ZC3H13: variants seen among roughly 807,000 people sequenced by gnomAD.
ZC3H13 encodes the protein zinc finger CCCH domain-containing protein 13.
A neutral mutation model predicts 204.1 loss-of-function variants in ZC3H13; 64 were observed. The observed-to-expected ratio is 0.31, with a 90% CI of 0.26 to 0.39. The LOEUF (loss-of-function observed/expected upper bound fraction) is 0.39. Ranked by LOEUF, ZC3H13 falls within the 10% of genes least tolerant of loss-of-function variation. The pLI, the probability that ZC3H13 is intolerant of heterozygous loss-of-function variation, is 1.00. For synonymous variants in ZC3H13, 667 were observed against 693.7 expected (o/e 0.96, Z 0.60); for missense variants, 1,833 against 2,082.7 (o/e 0.88, Z 2.33).
chr13:46,048,592 A>AC (rs1399549546), intron 1 of ZC3H13, among the ~76,000 whole-genome samples: 104 of 151,038 alleles, frequency 6.9e-4, no homozygotes, highest in Non-Finnish European at 1.3e-3. Flanking sequence ...AAAAAAAAAA[A>AC]AAAAAAAAAA....
At chr13:46,006,017 C>G (rs2041117543) in intron 7 of ZC3H13, among the ~76,000 whole-genome samples, 1 of 151,864 alleles carries the variant, frequency 6.6e-6, no homozygotes. Flanking sequence ...ACCGCTTGAA[C>G]CCAGGAGGCA....
At chr13:45,962,618 G>A in intron 17 of ZC3H13, 2 of 983,936 alleles carry the variant, frequency 2.0e-6, no homozygotes, top group Non-Finnish European at 2.4e-6. Flanking sequence ...GTATACTCTA[G>A]GTTTATTGGG....
Position 45,967,797 on chromosome 13 carries a change from C to T in ZC3H13, c.4028G>A (p.Arg1343Gln), listed in dbSNP as rs760713323. ...RNRDRDRLRE[R>Q]ERERERDKRR... ...TTTGTCTCGTTCTCTCTCTCGTTCT[C>T]GTTCTCGCAATCTATCTCGATCCCT... is the stretch of plus-strand genomic sequence containing the variant. Residue 1343 changes from arginine (R) to glutamine (Q), a missense_variant, in exon 15 of 19, where the codon CGA becomes CAA. By Grantham distance (43) the Arg-to-Gln change is conservative. Around this residue, in one of 5 missense-constraint regions of ZC3H13, gnomAD observed 1,574 missense variants for 1,757.2 expected, o/e 0.90. Coordinates refer to ENST00000679008, the MANE Select transcript of ZC3H13 (RefSeq NM_001330564.2). 5.0e-6 allele frequency: 8 copies of T among 1,612,340 alleles called. No individual in the cohort carries two copies. Among genetic ancestry groups the T allele is most frequent in the South Asian group, 2.2e-5 (2 of 90,980 alleles).
In ZC3H13 at chr13:45,977,001, C is replaced by A. The variant is rs114872571; in HGVS notation, c.1913-1163G>T. ...TCTTTACTATTTTAGAGGTTATAGACCCAGATACAAATGATCATAGCATTT... is the reference window on the plus strand; with the variant it reads ...TCTTTACTATTTTAGAGGTTATAGAACCAGATACAAATGATCATAGCATTT... On this transcript the variant is annotated intron_variant, in intron 11 of 18. Transcript: ENST00000679008. Among the ~76,000 whole-genome samples, 1,066 of 152,212 alleles carry A rather than the reference C, an allele frequency of 7.0e-3. 12 individuals are homozygous for A. The highest frequency in any genetic ancestry group is 0.023 in the African/African-American group (975 of 41,522).
rs2044572467 is a variant in ZC3H13, at chr13:46,052,688, A to T, written c.-294T>A. 1 of 398,644 alleles carries T rather than the reference A, an allele frequency of 2.5e-6. No homozygotes were observed. The highest frequency in any genetic ancestry group is 2.1e-5 in the African/African-American group (1 of 48,636). 24.7% of individuals were successfully genotyped at this position (398,644 alleles called of 1,614,324 possible). ...GATTGTAGATTAAGAAAAGGCAACA[A>T]AAACACTACCAGGCCGCTAGGAGGA... On this transcript the variant is annotated 5_prime_UTR_variant, in exon 1 of 19. The change creates a new upstream start codon in the 5' untranslated region. Coordinates refer to ENST00000679008, the MANE Select transcript of ZC3H13 (RefSeq NM_001330564.2).
chr13:45,963,945 A>T lies in ZC3H13; in HGVS notation c.4572T>A (p.Pro1524=). The T allele has an allele frequency of 6.2e-7, 1 of 1,614,190 alleles. No homozygotes were observed. Among genetic ancestry groups the T allele is most frequent in the South Asian group, 1.1e-5 (1 of 91,090 alleles). The change falls in exon 17 of 19, where the codon CCT becomes CCA. Residue 1524 remains proline, a synonymous_variant. Coordinates refer to ENST00000679008, the MANE Select transcript of ZC3H13 (RefSeq NM_001330564.2). ...EPGAALLKFT[P]GAVMLRVGIS... ...TCCCAACTCTTAGCATAACAGCTCC[A>T]GGTGTGAATTTTAAGAGTGCAGCCC...
rs774739065 is a variant in ZC3H13 at position 46,003,213 on chromosome 13, T to C, written c.870A>G (p.Ile290Met). ...CCTTTCCATCTCTTGTTTTTTCTTC[T>C]ATCCTGTCTTTTACTTTATATTTTT... The part of the protein sequence containing the change: ...YKEKYKVKDR[I>M]EEKTRDGKDR... The change falls in exon 8 of 19, where the codon ATA (isoleucine) becomes ATG (methionine). Residue 290 changes from isoleucine to methionine, a missense_variant. By Grantham distance (10) the Ile-to-Met change is conservative (BLOSUM62 1). This residue lies in a region of ZC3H13 where 1,574 missense variants were observed against 1,757.2 expected (regional missense o/e 0.90). Transcript: ENST00000679008. The C allele has an allele frequency of 6.2e-7, 1 of 1,613,346 alleles. No individual in the cohort carries two copies. Among genetic ancestry groups the C allele is most frequent in the Non-Finnish European group, 8.5e-7 (1 of 1,179,796 alleles).
chr13:45,968,669 G>A, intron 14 of ZC3H13, 79 bp downstream of exon 14: 1 of 1,479,926 alleles, frequency 6.8e-7, no homozygotes. Context: ...AACCAATTTA[G>A]CATTACTTTA....
chr13:46,042,131 A>G, intron 4 of ZC3H13, 33 bp downstream of exon 4: 5 of 1,527,114 alleles, frequency 3.3e-6, no homozygotes, highest in East Asian at 2.2e-5. Flanking sequence ...TCACTACTGA[A>G]GTTGAACTTT....
intron 8 of ZC3H13, among the ~76,000 whole-genome samples, chr13:45,990,530 G>C (rs1285076610): frequency 1.3e-5 from 2 of 152,008 alleles, no homozygotes; most frequent in Non-Finnish European, 1.5e-5. Context: ...CTTGATTAAA[G>C]CTTTATACTT....
At chr13:46,010,259 C>A in intron 7 of ZC3H13, 89 bp downstream of exon 7, 1 of 1,273,898 alleles carries the variant, frequency 7.8e-7, no homozygotes, top group Non-Finnish European at 1.0e-6. Context: ...ATAAAATGTA[C>A]TAAAAGTACC....
At position 45,975,524 on chromosome 13, in the gene ZC3H13, G is replaced by GTTCCCTCTCTCT. The variant is rs746284774; in HGVS notation, c.2215_2226dup (p.Glu740_Arg743dup). ...CGTTCCCGTTCTTTTTCCCTGTCTC[G>GTTCCCTCTCTCT]TTCCCTCTCTCTTTCCCGCTCTCGA... On this transcript the variant is annotated inframe_insertion, in exon 12 of 19. Coordinates refer to ENST00000679008, the MANE Select transcript of ZC3H13 (RefSeq NM_001330564.2). The GTTCCCTCTCTCT allele has an allele frequency of 2.3e-4, 361 of 1,600,800 alleles. 1 individual carries two copies. In the African/African-American group the frequency reaches 4.5e-3, roughly 20 times the overall value.
chr13:45,989,275 C>T (rs1698929314), intron 8 of ZC3H13, among the ~76,000 whole-genome samples, 178 bp from the exon 9 acceptor site: 2 of 152,186 alleles, frequency 1.3e-5, no homozygotes, highest in Middle Eastern at 3.4e-3. Flanking sequence ...CGTGACTTAA[C>T]TTTAAGTCAA....
chr13:45,985,269 T>C (rs1340884652), intron 10 of ZC3H13, 28 bp downstream of exon 10: 6 of 1,549,000 alleles, frequency 3.9e-6, no homozygotes, highest in East Asian at 2.2e-5. Flanking sequence ...ATATAAGATA[T>C]AGTTCATAGA....
chr13:45,997,846 A>C (rs1234519774), intron 8 of ZC3H13, among the ~76,000 whole-genome samples: 8 of 152,044 alleles, frequency 5.3e-5, no homozygotes, highest in African/African-American at 1.4e-4. Flanking sequence ...ACAAACCCAA[A>C]GCCAAAACCC....
Position 46,020,575 on chromosome 13 carries a change from T to G in ZC3H13, c.340-18A>C. On this transcript the variant is annotated intron_variant, in intron 4 of 18. Coordinates refer to ENST00000679008, the MANE Select transcript of ZC3H13 (RefSeq NM_001330564.2). Reference sequence around the variant, plus strand: ...GATTCTTTCTAAAAAAGTACATACATACATTCAGATTACTATATTTTTAAA... The same window carrying G: ...GATTCTTTCTAAAAAAGTACATACAGACATTCAGATTACTATATTTTTAAA... The G allele has an allele frequency of 6.7e-7, 1 of 1,489,226 alleles. No individual in the cohort carries two copies. Among genetic ancestry groups the G allele is most frequent in the South Asian group, 1.2e-5 (1 of 82,750 alleles). 92.3% of individuals were successfully genotyped at this position (1,489,226 alleles called of 1,614,324 possible).
intron 17 of ZC3H13, chr13:45,962,641 A>T: frequency 1.0e-6 from 1 of 981,556 alleles, no homozygotes; most frequent in Non-Finnish European, 1.2e-6. Flanking sequence ...ATATTAAAAT[A>T]AAAAAATTTA....
At chr13:46,010,903 A>C (rs974038242) in intron 6 of ZC3H13, among the ~76,000 whole-genome samples, 2 of 152,110 alleles carry the variant, frequency 1.3e-5, no homozygotes, top group African/African-American at 4.8e-5. Context: ...GTTTGAAATA[A>C]AAATAAAAAT....
intron 17 of ZC3H13, chr13:45,963,049 G>A: frequency 1.0e-6 from 1 of 985,128 alleles, no homozygotes; most frequent in Non-Finnish European, 1.2e-6. Flanking sequence ...TATTTATTGG[G>A]TATTACTATA....
Sources: allele counts gnomAD v4.1 joint callset (sites outside exome capture counted in the v4.1 genomes callset), GRCh38; gene constraint gnomAD v4.1.1; regional missense constraint gnomAD v4.1.1; transcripts MANE v1.5; gene names NCBI Gene and HGNC (gene_info 2026-07-23, HGNC 2026-07-21).